PLCL1: variants seen among roughly 807,000 people sequenced by gnomAD.
PLCL1 encodes phospholipase C like 1 (inactive), also known as inactive phospholipase C-like protein 1.
Under a neutral mutation model 84.4 loss-of-function variants are expected in PLCL1, and 41 were observed. The ratio of observed to expected loss-of-function variants is 0.49; its 90% CI spans 0.38 to 0.63. PLCL1 has a LOEUF of 0.63. Among genes scored for constraint, PLCL1 ranks in the 30% least tolerant of loss-of-function variants. The pLI, the probability that PLCL1 is intolerant of heterozygous loss-of-function variation, is 0.00. For synonymous variants in PLCL1, 490 were observed against 488.3 expected, an observed-to-expected ratio of 1.00 and a Z score of -0.05; for missense variants, 1,206 against 1,367.8, an observed-to-expected ratio of 0.88 and a Z score of 1.87.
intron 1 of PLCL1, among the ~76,000 whole-genome samples, chr2:197,949,885 G>T (rs576699878): frequency 1.3e-3 from 196 of 152,236 alleles, no homozygotes; most frequent in African/African-American, 4.6e-3. Context: ...TATGAGTGGG[G>T]AACTCAAGAA....
chr2:198,122,849 G>T (rs1574328446), intron 5 of PLCL1, among the ~76,000 whole-genome samples: 1 of 151,994 alleles, frequency 6.6e-6, no homozygotes, highest in African/African-American at 2.4e-5. Context: ...TAAGTGTTTT[G>T]TACTTATTAA....
chr2:197,923,961 GC>G (rs1255399358), intron 1 of PLCL1, among the ~76,000 whole-genome samples: 1 of 151,832 alleles, frequency 6.6e-6, no homozygotes, highest in Non-Finnish European at 1.5e-5. Flanking sequence ...CTGGAGACCG[GC>G]CCGGCCAACA....
intron 1 of PLCL1, among the ~76,000 whole-genome samples, chr2:197,903,354 T>C (rs1031878974): frequency 1.3e-5 from 2 of 152,238 alleles, no homozygotes; most frequent in Admixed American, 6.5e-5. Flanking sequence ...ACTCCTGCTC[T>C]AGTCCAATGC....
intron 1 of PLCL1, among the ~76,000 whole-genome samples, chr2:197,820,872 G>A (rs1249996733): frequency 6.6e-6 from 1 of 152,006 alleles, no homozygotes; most frequent in Non-Finnish European, 1.5e-5. Context: ...CAGAAACATT[G>A]CTCTGAAGCT....
At chr2:197,875,058 G>A (rs1269555959) in intron 1 of PLCL1, among the ~76,000 whole-genome samples, 2 of 152,228 alleles carry the variant, frequency 1.3e-5, no homozygotes, top group East Asian at 3.9e-4. Context: ...GGCCGAGGTG[G>A]GCGGATCATT....
chr2:197,838,791 C>G (rs1475002950), intron 1 of PLCL1, among the ~76,000 whole-genome samples: 1 of 152,190 alleles, frequency 6.6e-6, no homozygotes, highest in Non-Finnish European at 1.5e-5. Flanking sequence ...CTGGATGTGT[C>G]AAGCCCATGA....
chr2:198,085,771 A>G lies in PLCL1; in HGVS notation c.2254A>G (p.Ile752Val). 2 of 1,614,094 alleles carry G rather than the reference A, an allele frequency of 1.2e-6. No homozygotes were observed. Among genetic ancestry groups the G allele is most frequent in the African/African-American group, 1.3e-5 (1 of 75,038 alleles). Residue 752 changes from isoleucine to valine, a missense_variant, in exon 2 of 6, where the codon ATA becomes GTA. Physicochemically the swap from Ile to Val is conservative, Grantham distance 29. Coordinates refer to ENST00000428675, the MANE Select transcript of PLCL1 (RefSeq NM_006226.4). This position sits in a 1 kb window ranked among gnomAD's most constrained non-coding sequence, Gnocchi z 5.3. ...GGATGTCATAGATCCCTATGTTTGTATAGAGATACACGGAATTCCAGCGGA... is the reference window on the plus strand; with the variant it reads ...GGATGTCATAGATCCCTATGTTTGTGTAGAGATACACGGAATTCCAGCGGA... Reference protein sequence around the residue: ...KGDVIDPYVCIEIHGIPADCS... With the variant: ...KGDVIDPYVCVEIHGIPADCS...
intron 1 of PLCL1, chr2:198,071,086 C>CTT (rs1210826720): frequency 3.4e-6 from 1 of 296,384 alleles, no homozygotes; most frequent in East Asian, 2.0e-4. Flanking sequence ...CTGTTATCTG[C>CTT]TTTTTAAGTA....
chr2:197,902,036 C>G (rs1352043968), intron 1 of PLCL1, among the ~76,000 whole-genome samples: 1 of 152,080 alleles, frequency 6.6e-6, no homozygotes, highest in Non-Finnish European at 1.5e-5. Context: ...CTCATAAACT[C>G]TTATTTTTAG....
chr2:198,057,278 A>C (rs1225565602), intron 1 of PLCL1, among the ~76,000 whole-genome samples: 1 of 152,150 alleles, frequency 6.6e-6, no homozygotes, highest in African/African-American at 2.4e-5. Context: ...GGAACGAGGC[A>C]TCCTAGGCTC....
chr2:197,886,676 AC>A (rs1419033474), intron 1 of PLCL1, among the ~76,000 whole-genome samples: 2 of 152,180 alleles, frequency 1.3e-5, no homozygotes, highest in African/African-American at 4.8e-5. Context: ...CCCTGGGGGA[AC>A]AAGCTCAGTG....
intron 5 of PLCL1, among the ~76,000 whole-genome samples, chr2:198,115,328 C>A (rs1474854904): frequency 6.6e-6 from 1 of 151,756 alleles, no homozygotes; most frequent in Middle Eastern, 3.2e-3. Context: ...TTCAGCTAGT[C>A]ATTTATGAGG....
intron 1 of PLCL1, among the ~76,000 whole-genome samples, chr2:197,997,574 G>A (rs1411647499): frequency 1.3e-5 from 2 of 152,190 alleles, no homozygotes; most frequent in Non-Finnish European, 2.9e-5. Context: ...TGCACGCACT[G>A]ATGGCTGTTT....
intron 1 of PLCL1, among the ~76,000 whole-genome samples, chr2:197,809,500 T>C (rs1241426778): frequency 6.6e-6 from 1 of 152,188 alleles, no homozygotes; most frequent in African/African-American, 2.4e-5. Flanking sequence ...GTTCAGAACA[T>C]TTGGAGGTTG....
At position 198,149,612 on chromosome 2, in the gene PLCL1, A is replaced by G. The variant is rs1487744247; in HGVS notation, c.*2650A>G. On this transcript the variant is annotated 3_prime_UTR_variant, in exon 6 of 6. Transcript: ENST00000428675. The stretch of plus-strand genomic sequence containing the variant: ...GAACTGTATCATTTATTTTCTGAAT[A>G]TAAAATATTAATGGTCAATATAAAA... The G allele has an allele frequency of 6.6e-6, 1 of 152,240 alleles. No individual in the cohort carries two copies. Among genetic ancestry groups the G allele is most frequent in the Non-Finnish European group, 1.5e-5 (1 of 68,040 alleles). The allele number at this position is 152,240 out of a possible 1,614,324, so 9.4% of individuals were successfully genotyped here. A position where few individuals can be genotyped will look rare whatever the true frequency, so the allele number is the denominator to read the frequency against.
rs1694588604 is a variant in PLCL1, at chr2:198,149,079, G to A, written c.*2117G>A. ...CCTTGCTAGATGGGGAGTGAGATGTGGAGCAGGGAGGAGCTTTGGATTCTG... is the reference window on the plus strand; with the variant it reads ...CCTTGCTAGATGGGGAGTGAGATGTAGAGCAGGGAGGAGCTTTGGATTCTG... On this transcript the variant is annotated 3_prime_UTR_variant, in exon 6 of 6. Transcript: ENST00000428675. 1 of 152,416 alleles carries A rather than the reference G, an allele frequency of 6.6e-6. No homozygotes were observed. The highest frequency in any genetic ancestry group is 2.4e-5 in the African/African-American group (1 of 41,452). 9.4% of individuals were successfully genotyped at this position (152,416 alleles called of 1,614,324 possible).
intron 1 of PLCL1, among the ~76,000 whole-genome samples, chr2:198,014,482 C>T (rs1358202208): frequency 6.6e-6 from 1 of 152,078 alleles, no homozygotes; most frequent in African/African-American, 2.4e-5. Flanking sequence ...ATGTACTACT[C>T]TGTGTATAAA....
chr2:197,862,611 G>T (rs1345151392), intron 1 of PLCL1, among the ~76,000 whole-genome samples: 1 of 152,078 alleles, frequency 6.6e-6, no homozygotes, highest in Non-Finnish European at 1.5e-5. Flanking sequence ...CTTCTGTGTT[G>T]GTGCCAGTCT....
rs766027512 is a variant in PLCL1 at position 198,147,233 on chromosome 2, T to TGTGTGTGG, written c.*272_*273insTGTGTGGG. 98 of 273,184 alleles carry TGTGTGTGG rather than the reference T, an allele frequency of 3.6e-4. No homozygotes were observed. Among genetic ancestry groups the TGTGTGTGG allele is most frequent in the African/African-American group, 2.0e-3 (91 of 45,420 alleles). The allele number at this position is 273,184 out of a possible 1,614,324, so 16.9% of individuals were successfully genotyped here. A position where few individuals can be genotyped will look rare whatever the true frequency, so the allele number is the denominator to read the frequency against. On this transcript the variant is annotated 3_prime_UTR_variant, in exon 6 of 6. Coordinates refer to ENST00000428675, the MANE Select transcript of PLCL1 (RefSeq NM_006226.4). ...GTGTGTGTGTGTGTGTGTGTGTGTG[T>TGTGTGTGG]GGCAGAGAGAGAGAAAGAGAGAGAG...
Sources: allele counts gnomAD v4.1 joint callset (sites outside exome capture counted in the v4.1 genomes callset), GRCh38; gene constraint gnomAD v4.1.1; non-coding constraint Gnocchi (gnomAD v3.1); transcripts MANE v1.5; gene names NCBI Gene and HGNC (gene_info 2026-07-23, HGNC 2026-07-21).